THSD4: variants seen among roughly 807,000 people sequenced by gnomAD.
The protein encoded by THSD4 is thrombospondin type-1 domain-containing protein 4.
In THSD4, 69 loss-of-function variants were observed where a neutral mutation model predicts 119.0. That is an observed-to-expected ratio of 0.58 (90% CI 0.48 to 0.71). The LOEUF (loss-of-function observed/expected upper bound fraction) is 0.71. Ranked by LOEUF, THSD4 falls within the 30% of genes least tolerant of loss-of-function variation. THSD4 has a pLI of 0.00. For synonymous variants in THSD4, 524 were observed against 540.4 expected, an observed-to-expected ratio of 0.97 and a Z score of 0.42; for missense variants, 1,393 against 1,391.1, an observed-to-expected ratio of 1.00 and a Z score of -0.02.
At chr15:71,316,821 G>A (rs554687842) in intron 6 of THSD4, among the ~76,000 whole-genome samples, 2 of 152,266 alleles carry the variant, frequency 1.3e-5, no homozygotes, top group African/African-American at 2.4e-5. Context: ...TCTTAGGGCC[G>A]AAATCTGAGG....
chr15:71,599,000 A>C (rs1161030875), intron 7 of THSD4, among the ~76,000 whole-genome samples: 1 of 152,138 alleles, frequency 6.6e-6, no homozygotes, highest in African/African-American at 2.4e-5. Flanking sequence ...ACTTTATGAC[A>C]ACTTTTTCAA....
At chr15:71,683,762 G>T (rs1005188558) in intron 8 of THSD4, among the ~76,000 whole-genome samples, 1 of 152,134 alleles carries the variant, frequency 6.6e-6, no homozygotes, top group East Asian at 1.9e-4. Context: ...CCTACTTGAG[G>T]TCAGGAGTTT....
At chr15:71,214,339 C>T (rs960577849) in intron 3 of THSD4, among the ~76,000 whole-genome samples, 1 of 152,192 alleles carries the variant, frequency 6.6e-6, no homozygotes, top group Non-Finnish European at 1.5e-5. Flanking sequence ...TTCTTTTGCT[C>T]GTCATAGTAA....
In THSD4 at chr15:71,644,582, G is replaced by C. The variant is rs565349685; in HGVS notation, c.1153-15948G>C. Among the ~76,000 whole-genome samples the C allele has an allele frequency of 2.0e-5, 3 of 152,192 alleles. No homozygotes were observed. The East Asian group carries it at 5.8e-4, about 29-fold the overall frequency. The stretch of plus-strand genomic sequence containing the variant: ...TAGGTCAATACTCTATGCCACCTTT[G>C]TATTCTGTTCCTCTGACATTTTAGC... On this transcript the variant is annotated intron_variant, in intron 7 of 17. Coordinates refer to ENST00000261862, the MANE Select transcript of THSD4 (RefSeq NM_024817.3).
At chr15:71,564,884 A>G (rs1006059067) in intron 7 of THSD4, among the ~76,000 whole-genome samples, 1 of 150,410 alleles carries the variant, frequency 6.6e-6, no homozygotes, top group Non-Finnish European at 1.5e-5. Context: ...TAACATCCCC[A>G]GCAGGTTCTA....
At chr15:71,126,078 C>T (rs910938855) in intron 1 of THSD4, among the ~76,000 whole-genome samples, 1 of 152,200 alleles carries the variant, frequency 6.6e-6, no homozygotes, top group South Asian at 2.1e-4. Context: ...AGGGCATGGG[C>T]GTTGAGCCCC....
chr15:71,775,643 A>C (rs2053898844), intron 17 of THSD4, among the ~76,000 whole-genome samples: 1 of 152,170 alleles, frequency 6.6e-6, no homozygotes, highest in African/African-American at 2.4e-5. Context: ...CCCGGGAGGC[A>C]GAGATTGCAA....
At chr15:71,370,293 C>T (rs1385064496) in intron 6 of THSD4, among the ~76,000 whole-genome samples, 1 of 152,076 alleles carries the variant, frequency 6.6e-6, no homozygotes, top group Non-Finnish European at 1.5e-5. Flanking sequence ...CAGTTCTGCT[C>T]TGATCTTAGT....
At chr15:71,359,479 A>G (rs555897871) in intron 6 of THSD4, among the ~76,000 whole-genome samples, 1 of 152,286 alleles carries the variant, frequency 6.6e-6, no homozygotes, top group South Asian at 2.1e-4. Flanking sequence ...AGCCTTCCCA[A>G]AGGTCACTCA....
intron 6 of THSD4, among the ~76,000 whole-genome samples, chr15:71,408,149 T>A (rs2046632782): frequency 7.2e-6 from 1 of 139,064 alleles, no homozygotes. Flanking sequence ...GGCATCAGAA[T>A]TGTACTTTAC....
intron 7 of THSD4, among the ~76,000 whole-genome samples, chr15:71,578,758 T>C (rs932619703): frequency 1.3e-5 from 2 of 152,144 alleles, no homozygotes; most frequent in African/African-American, 4.8e-5. Context: ...TAATATATGA[T>C]AGTAAATAAT....
At chr15:71,312,667 AC>A (rs1290193083) in intron 6 of THSD4, among the ~76,000 whole-genome samples, 1 of 152,096 alleles carries the variant, frequency 6.6e-6, no homozygotes, top group East Asian at 1.9e-4. Context: ...GCCAAGCCAC[AC>A]ATGATCAGTT....
intron 6 of THSD4, among the ~76,000 whole-genome samples, chr15:71,316,701 G>T (rs1404709440): frequency 1.3e-5 from 2 of 152,102 alleles, no homozygotes; most frequent in South Asian, 4.1e-4. Flanking sequence ...GACCAGAGTG[G>T]GGCTCCCTGG....
intron 6 of THSD4, among the ~76,000 whole-genome samples, chr15:71,348,914 G>T (rs1039048957): frequency 1.3e-5 from 2 of 152,196 alleles, no homozygotes; most frequent in Non-Finnish European, 2.9e-5. Context: ...GGATATGCAG[G>T]TTCTTGCATT....
intron 6 of THSD4, among the ~76,000 whole-genome samples, chr15:71,264,524 A>G (rs1009552118): frequency 6.6e-6 from 1 of 152,244 alleles, no homozygotes; most frequent in Non-Finnish European, 1.5e-5. Context: ...TTGGTTTTGT[A>G]TATGTTGAGT....
chr15:71,105,409 T>G (rs1329385490), intron 1 of THSD4, among the ~76,000 whole-genome samples: 2 of 152,190 alleles, frequency 1.3e-5, no homozygotes, highest in African/African-American at 4.8e-5. Flanking sequence ...TCCCAGAGTT[T>G]TCATAGAATT....
intron 7 of THSD4, among the ~76,000 whole-genome samples, chr15:71,567,856 T>C (rs545952553): frequency 3.8e-4 from 58 of 152,234 alleles, no homozygotes; most frequent in African/African-American, 1.4e-3. Flanking sequence ...GCTTGCTTCT[T>C]GATTTTGTCC....
intron 7 of THSD4, among the ~76,000 whole-genome samples, chr15:71,527,708 CTTTT>C (rs10635101): frequency 3.8e-5 from 3 of 79,716 alleles, no homozygotes; most frequent in Admixed American, 3.8e-4. Flanking sequence ...TGTTTATCCT[CTTTT>C]TTTTTTTTTT....
At chr15:71,768,933 G>C (rs1464210522) in intron 16 of THSD4, among the ~76,000 whole-genome samples, 6 of 144,364 alleles carry the variant, frequency 4.2e-5, no homozygotes, top group African/African-American at 1.5e-4. Flanking sequence ...CTGGCTGCCC[G>C]GCCAGCCGCC....
Sources: gnomAD v4.1 joint callset for allele counts (sites outside exome capture counted in the v4.1 genomes callset) on GRCh38, gnomAD v4.1.1 for gene constraint, MANE v1.5 for transcripts, NCBI Gene and HGNC (gene_info 2026-07-23, HGNC 2026-07-21) for gene names.